GABRE: variants seen among roughly 807,000 people sequenced by gnomAD.
The protein encoded by GABRE is gamma-aminobutyric acid receptor subunit epsilon.
GABRE carries 20 observed loss-of-function variants against 31.0 expected under a neutral mutation model. The observed-to-expected ratio is 0.64, with a 90% CI of 0.45 to 0.94. The LOEUF is 0.94. Among genes scored for constraint, GABRE ranks in the 40% least tolerant of loss-of-function variants. GABRE has a pLI of 0.00. For missense variants in GABRE, 420 were observed against 410.7 expected, an observed-to-expected ratio of 1.02 and a Z score of -0.20; for synonymous variants, 155 against 150.6, an observed-to-expected ratio of 1.03 and a Z score of -0.21.
rs1452942575 is a variant in GABRE, at chrX:151,970,311, G to A, written c.148C>T (p.Leu50Phe). 3 of 1,212,012 alleles carry A rather than the reference G, an allele frequency of 2.5e-6. No homozygotes were observed. Among genetic ancestry groups the A allele is most frequent in the Non-Finnish European group, 3.3e-6 (3 of 895,666 alleles). The change falls in exon 2 of 9, where the codon CTC becomes TTC. Residue 50 changes from leucine (L) to phenylalanine (F), a missense_variant. Physicochemically the swap from Leu to Phe is conservative, Grantham distance 22. Transcript: ENST00000370328. ...PQPQPLENQL[L>F]SEETKSTETE... ...TCAGTTGACTTTGTTTCCTCAGAGA[G>A]GAGCTGATTTTCCAGAGGCTGGGGC...
At chrX:151,971,978 G>A in intron 1 of GABRE, 2 of 701,562 alleles carry the variant, frequency 2.9e-6, no homozygotes, top group Non-Finnish European at 3.4e-6. Flanking sequence ...GTTTACTTGT[G>A]AAAAGCCACT....
chrX:151,954,855 TA>T lies in GABRE; in HGVS notation c.1366del (p.Tyr456ThrfsTer35). ...CCEWCKRFKK[Y>X]FCMVPDCEGS... ...CTCACAATCGGGGACCATGCAGAAG[TA>T]CTTCTTAAAACGCTTGCACCACTCA... is the stretch of plus-strand genomic sequence containing the variant. On this transcript the variant is annotated frameshift_variant, in exon 9 of 9. Coordinates refer to ENST00000370328, the MANE Select transcript of GABRE (RefSeq NM_004961.4). LOFTEE classifies it high-confidence loss of function. 8.3e-7 allele frequency: 1 copy of T among 1,211,699 alleles called. No individual in the cohort carries two copies. The highest frequency in any genetic ancestry group is 1.1e-6 in the Non-Finnish European group (1 of 895,510).
In GABRE at chrX:151,961,267, T is replaced by C; in HGVS notation, c.646+16A>G. ...AGCATGTTTCTGGGGCCCCAGAAAC[T>C]TAAGAAGGTACTCACAGCTAGAGAA... On this transcript the variant is annotated intron_variant, in intron 5 of 8. Transcript: ENST00000370328. 1 of 1,168,588 alleles carries C rather than the reference T, an allele frequency of 8.6e-7. No individual in the cohort carries two copies. Among genetic ancestry groups the C allele is most frequent in the Non-Finnish European group, 1.2e-6 (1 of 859,366 alleles).
Position 151,957,350 on chromosome X carries a change from C to G in GABRE, c.785-1490G>C, listed in dbSNP as rs1003178982. 1.4e-5 allele frequency: 4 copies of G among 278,893 alleles called. No homozygotes were observed. The Admixed American group carries it at 1.7e-4, about 12-fold the overall frequency. 23.0% of individuals were successfully genotyped at this position (278,893 alleles called of 1,213,427 possible). A position where few individuals can be genotyped will look rare whatever the true frequency, so the allele number is the denominator to read the frequency against. On this transcript the variant is annotated intron_variant, in intron 6 of 8. Transcript: ENST00000370328. ...TTCTGGAAGAAGGCAAGGGAGCGAC[C>G]TGTTGTCAGTGGGAAACCTGTGTGT...
At chrX:151,971,701 T>C (rs1477932376) in intron 1 of GABRE, 1 of 112,405 alleles carries the variant, frequency 8.9e-6, no homozygotes, top group Non-Finnish European at 1.9e-5. Context: ...CCTTTATATG[T>C]CTTTAAAAAA....
rs1934086992 is a variant in GABRE at position 151,954,813 on chromosome X, T to C, written c.1409A>G (p.Gln470Arg). ...VPDCEGSTWQ[Q>R]GRLCIHVYRL... ...GTAGACATGGATGCAGAGGCGGCCC[T>C]GCTGCCAGGTACTGCCCTCACAATC... Residue 470 changes from glutamine (Q) to arginine (R), a missense_variant, in exon 9 of 9, where the codon CAG becomes CGG. By Grantham distance (43) the Gln-to-Arg change is conservative (BLOSUM62 1). Transcript: ENST00000370328. 1 of 1,212,055 alleles carries C rather than the reference T, an allele frequency of 8.3e-7. No individual in the cohort carries two copies. Among genetic ancestry groups the C allele is most frequent in the African/African-American group, 1.7e-5 (1 of 57,930 alleles).
intron 4 of GABRE, 98 bp from the exon 5 acceptor site, chrX:151,961,463 A>C (rs1603098625): frequency 1.8e-6 from 1 of 551,830 alleles, no homozygotes; most frequent in East Asian, 3.4e-5. Flanking sequence ...GGCCAGAGTC[A>C]ATTTTTTTCT....
chrX:151,956,643 C>T (rs1469581124), intron 6 of GABRE: 2 of 112,099 alleles, frequency 1.8e-5, no homozygotes, highest in Non-Finnish European at 3.8e-5. Context: ...AGTCTATGAC[C>T]CCTAACCCAA....
At chrX:151,970,744 C>T (rs1173360855) in intron 1 of GABRE, among the ~76,000 whole-genome samples, 1 of 112,376 alleles carries the variant, frequency 8.9e-6, no homozygotes, top group Non-Finnish European at 1.9e-5. Context: ...TAGCCTTGGC[C>T]TCTAGTCAGC....
chrX:151,973,977 G>GCT (rs1346729215), intron 1 of GABRE, among the ~76,000 whole-genome samples: 2 of 111,192 alleles, frequency 1.8e-5, no homozygotes, highest in Admixed American at 1.9e-4. Context: ...CTAAACCAAA[G>GCT]CTCGTGCCTG....
intron 3 of GABRE, among the ~76,000 whole-genome samples, chrX:151,966,490 C>T (rs1304494581): frequency 8.9e-6 from 1 of 112,279 alleles, no homozygotes; most frequent in Non-Finnish European, 1.9e-5. Flanking sequence ...AATGCTGGGA[C>T]TCACATTTCT....
chrX:151,974,318 C>T (rs1369810337), intron 1 of GABRE, among the ~76,000 whole-genome samples: 1 of 111,817 alleles, frequency 8.9e-6, no homozygotes, highest in Non-Finnish European at 1.9e-5. Context: ...GGAGTCCCGT[C>T]TTCCTTCTGG....
intron 3 of GABRE, among the ~76,000 whole-genome samples, chrX:151,965,809 G>T (rs750580280): frequency 2.7e-4 from 30 of 113,090 alleles, no homozygotes; most frequent in African/African-American, 8.3e-4. Context: ...AACTGCTGGG[G>T]GCCAGCCATG....
chrX:151,974,484 G>T, intron 1 of GABRE, 86 bp downstream of exon 1: 2 of 660,086 alleles, frequency 3.0e-6, no homozygotes, highest in Non-Finnish European at 4.4e-6. Context: ...GGAACGCGGG[G>T]CCGCTGGGGT....
At chrX:151,972,529 C>G (rs1244367498) in intron 1 of GABRE, 5 of 751,678 alleles carry the variant, frequency 6.7e-6, no homozygotes, top group Non-Finnish European at 6.3e-6. Flanking sequence ...AGCAGCCCCT[C>G]CCAGATGTCT....
intron 1 of GABRE, chrX:151,971,746 C>T (rs1185177844): frequency 8.9e-6 from 1 of 112,448 alleles, no homozygotes; most frequent in Non-Finnish European, 1.8e-5. Flanking sequence ...GCCATCGTCC[C>T]ATATTAATCT....
chrX:151,972,564 C>T lies in GABRE; in HGVS notation c.56+2006G>A, dbSNP rs180703775. On this transcript the variant is annotated intron_variant, in intron 1 of 8. Coordinates refer to ENST00000370328, the MANE Select transcript of GABRE (RefSeq NM_004961.4). ...TGAAATCCATGGACGAGATCCTCCC[C>T]GCTGCCCCAAGTTTAAAAGTGCAGA... 1.2e-4 allele frequency: 89 copies of T among 751,876 alleles called. No homozygotes were observed. In the East Asian group the frequency reaches 8.2e-3, roughly 70 times the overall value. 62.0% of individuals were successfully genotyped at this position (751,876 alleles called of 1,213,427 possible).
intron 1 of GABRE, chrX:151,972,063 G>T: frequency 4.0e-6 from 3 of 753,573 alleles, no homozygotes; most frequent in Non-Finnish European, 4.7e-6. Flanking sequence ...TAAGCCATAA[G>T]GCAATTTGTT....
intron 3 of GABRE, among the ~76,000 whole-genome samples, chrX:151,966,508 C>G (rs918462714): frequency 5.3e-5 from 6 of 112,196 alleles, no homozygotes; most frequent in Admixed American, 4.7e-4. Context: ...TCTGAGAAGT[C>G]TCAGCTTCCT....
Sources: allele counts gnomAD v4.1 joint callset (sites outside exome capture counted in the v4.1 genomes callset), GRCh38; gene constraint gnomAD v4.1.1; transcripts MANE v1.5; gene names NCBI Gene and HGNC (gene_info 2026-07-23, HGNC 2026-07-21).